MEF2A: variants seen among roughly 807,000 people sequenced by gnomAD.
The protein encoded by MEF2A is myocyte enhancer factor 2A.
A neutral mutation model predicts 55.8 loss-of-function variants in MEF2A; 28 were observed. That is an observed-to-expected ratio of 0.50 (90% CI 0.37 to 0.69). MEF2A has a LOEUF of 0.69. Among genes scored for constraint, MEF2A ranks in the 30% least tolerant of loss-of-function variants. MEF2A has a pLI of 0.00. For synonymous variants in MEF2A, 239 were observed against 227.1 expected, an observed-to-expected ratio of 1.05 and a Z score of -0.47; for missense variants, 528 against 626.2, an observed-to-expected ratio of 0.84 and a Z score of 1.67.
chr15:99,659,988 T>A (rs2048360290), intron 4 of MEF2A, among the ~76,000 whole-genome samples: 1 of 152,156 alleles, frequency 6.6e-6, no homozygotes, highest in South Asian at 2.1e-4. Context: ...AAGAAGGAAG[T>A]AATTCCAGTA....
intron 3 of MEF2A, among the ~76,000 whole-genome samples, chr15:99,638,361 A>G (rs1339510235): frequency 1.3e-5 from 2 of 152,112 alleles, no homozygotes; most frequent in Admixed American, 6.5e-5. Flanking sequence ...TGGACCCACA[A>G]GGGGCATGTG....
intron 2 of MEF2A, among the ~76,000 whole-genome samples, chr15:99,607,768 T>G (rs1714222753): frequency 6.6e-6 from 1 of 152,206 alleles, no homozygotes; most frequent in African/African-American, 2.4e-5. Flanking sequence ...AGACAGGACG[T>G]TGTTCTTTAT....
chr15:99,574,853 G>A (rs930839963), intron 1 of MEF2A, among the ~76,000 whole-genome samples: 2 of 152,202 alleles, frequency 1.3e-5, no homozygotes, highest in African/African-American at 4.8e-5. Context: ...TTTAGTTAAA[G>A]TCAGTGGCAA....
intron 8 of MEF2A, among the ~76,000 whole-genome samples, chr15:99,695,008 C>G (rs190755996): frequency 2.7e-5 from 4 of 150,444 alleles, no homozygotes; most frequent in Non-Finnish European, 5.9e-5. Context: ...GGGGAGCAGG[C>G]GCTTTTTTAT....
chr15:99,579,093 G>GT (rs1035002561), intron 1 of MEF2A, among the ~76,000 whole-genome samples: 9 of 152,102 alleles, frequency 5.9e-5, no homozygotes, highest in Non-Finnish European at 8.8e-5. Context: ...TCTTTCTTGG[G>GT]TGCCTTGCAA....
chr15:99,662,098 A>G (rs2048753780), intron 4 of MEF2A, among the ~76,000 whole-genome samples: 1 of 152,186 alleles, frequency 6.6e-6, no homozygotes, highest in Admixed American at 6.5e-5. Context: ...TATATGTGGT[A>G]AATGTATAAA....
Position 99,674,442 on chromosome 15 carries a change from C to A in MEF2A, c.440C>A (p.Thr147Asn). 2 of 1,613,802 alleles carry A rather than the reference C, an allele frequency of 1.2e-6. No homozygotes were observed. Among genetic ancestry groups the A allele is most frequent in the Non-Finnish European group, 1.7e-6 (2 of 1,179,790 alleles). The change falls in exon 6 of 12, where the codon ACC (threonine) becomes AAC (asparagine). Residue 147 changes from threonine to asparagine, a missense_variant. Around this residue, in one of 2 missense-constraint regions of MEF2A, gnomAD observed 450 missense variants for 475.3 expected, o/e 0.95. Transcript: ENST00000557942. ...NFSMSVTVPV[T>N]SPNALSYTNP... ...TCAATGTCTGTCACAGTTCCAGTGA[C>A]CAGCCCCAATGCTTTGTCCTACACT...
At chr15:99,646,257 T>C (rs1223348678) in intron 4 of MEF2A, among the ~76,000 whole-genome samples, 1 of 152,122 alleles carries the variant, frequency 6.6e-6, no homozygotes, top group Non-Finnish European at 1.5e-5. Context: ...GCCTATTTGA[T>C]AGCTCTCATA....
At chr15:99,671,223 T>G in intron 4 of MEF2A, 100 bp from the exon 5 acceptor site, 1 of 1,315,994 alleles carries the variant, frequency 7.6e-7, no homozygotes, top group Non-Finnish European at 1.0e-6. Flanking sequence ...GGCTCTTGTA[T>G]AATTCAGTTC....
At chr15:99,700,976 G>A (rs971612652) in intron 8 of MEF2A, among the ~76,000 whole-genome samples, 2 of 152,148 alleles carry the variant, frequency 1.3e-5, no homozygotes, top group African/African-American at 4.8e-5. Context: ...TAGAAAGAAT[G>A]AGAGAGAGTA....
At chr15:99,589,971 T>C (rs1190035648) in intron 1 of MEF2A, among the ~76,000 whole-genome samples, 1 of 152,100 alleles carries the variant, frequency 6.6e-6, no homozygotes, top group Non-Finnish European at 1.5e-5. Context: ...ATGTTTGTTC[T>C]TATGTGGTTG....
At chr15:99,622,650 CATT>C (rs1403751648) in intron 2 of MEF2A, among the ~76,000 whole-genome samples, 1 of 151,054 alleles carries the variant, frequency 6.6e-6, no homozygotes, top group East Asian at 1.9e-4. Context: ...AATAAATAGA[CATT>C]ATTGCTGTAC....
chr15:99,585,686 G>A (rs11632224), intron 1 of MEF2A, among the ~76,000 whole-genome samples: 51,766 of 152,028 alleles, frequency 0.34, 9,727 homozygotes, highest in African/African-American at 0.5. Flanking sequence ...TCACTGTGCT[G>A]AGCACATTAC....
intron 2 of MEF2A, among the ~76,000 whole-genome samples, chr15:99,604,087 T>C (rs1974251492): frequency 6.6e-6 from 1 of 152,164 alleles, no homozygotes; most frequent in Non-Finnish European, 1.5e-5. Context: ...TCTATTTTCT[T>C]TGGCTACTCT....
chr15:99,646,623 C>G (rs2046002733), intron 4 of MEF2A, among the ~76,000 whole-genome samples: 1 of 151,928 alleles, frequency 6.6e-6, no homozygotes. Context: ...TTATGTAGAA[C>G]AATTGAAAAA....
chr15:99,661,964 T>C (rs8040915), intron 4 of MEF2A, among the ~76,000 whole-genome samples: 145,405 of 152,250 alleles, frequency 0.96, 69,796 homozygotes, highest in East Asian at 1. Flanking sequence ...CCAGCTATAA[T>C]TCTGTGTAAC....
At chr15:99,630,495 T>A (rs1362154628) in intron 2 of MEF2A, among the ~76,000 whole-genome samples, 2 of 152,132 alleles carry the variant, frequency 1.3e-5, no homozygotes, top group Non-Finnish European at 2.9e-5. Context: ...GTTTTAAACT[T>A]TTTTCTGATA....
chr15:99,706,631 C>A, intron 9 of MEF2A, 98 bp from the exon 10 acceptor site: 3 of 1,335,908 alleles, frequency 2.2e-6, no homozygotes, highest in South Asian at 1.2e-5. Flanking sequence ...AAATGACATT[C>A]ATATGAAACT....
intron 7 of MEF2A, among the ~76,000 whole-genome samples, chr15:99,688,389 A>G (rs900303579): frequency 6.6e-6 from 1 of 152,234 alleles, no homozygotes; most frequent in Non-Finnish European, 1.5e-5. Context: ...GGGATTTTAC[A>G]TCATTTGTTT....
Sources: gnomAD v4.1 joint callset for allele counts (sites outside exome capture counted in the v4.1 genomes callset) on GRCh38, gnomAD v4.1.1 for gene constraint, gnomAD v4.1.1 regional missense constraint, MANE v1.5 for transcripts, NCBI Gene and HGNC (gene_info 2026-07-23, HGNC 2026-07-21) for gene names.